SLMAP: variants seen among roughly 807,000 people sequenced by gnomAD.
The protein encoded by SLMAP is sarcolemma associated protein.
In SLMAP, 44 loss-of-function variants were observed where a neutral mutation model predicts 128.8. The ratio of observed to expected loss-of-function variants is 0.34; its 90% CI spans 0.27 to 0.44. The LOEUF is 0.44. SLMAP is among the 20% of genes least tolerant of loss of function. SLMAP has a pLI of 1.00. For synonymous variants in SLMAP, 327 were observed against 348.8 expected, an observed-to-expected ratio of 0.94 and a Z score of 0.70; for missense variants, 787 against 985.3, an observed-to-expected ratio of 0.80 and a Z score of 2.69.
chr3:57,757,541 G>A lies in SLMAP; in HGVS notation c.-111G>A, dbSNP rs1195459442. On this transcript the variant is annotated 5_prime_UTR_variant, in exon 2 of 25. Transcript: ENST00000671191. Reference sequence around the variant, plus strand: ...TATGCTTAGACAATGTGCAGTTTGTGTTAATTTAAAATTTTGGGTGGGATA... The same window carrying A: ...TATGCTTAGACAATGTGCAGTTTGTATTAATTTAAAATTTTGGGTGGGATA... 25 of 922,162 alleles carry A rather than the reference G, an allele frequency of 2.7e-5. No homozygotes were observed. The highest frequency in any genetic ancestry group is 3.7e-5 in the Non-Finnish European group (22 of 588,446). The allele number at this position is 922,162 out of a possible 1,614,324, so 57.1% of individuals were successfully genotyped here. A position where few individuals can be genotyped will look rare whatever the true frequency, so the allele number is the denominator to read the frequency against.
intron 2 of SLMAP, among the ~76,000 whole-genome samples, chr3:57,809,199 C>G (rs896899215): frequency 6.6e-6 from 1 of 152,186 alleles, no homozygotes; most frequent in African/African-American, 2.4e-5. Context: ...TGCAGCCACA[C>G]AAACTGTGGC....
intron 14 of SLMAP, among the ~76,000 whole-genome samples, chr3:57,880,156 T>G (rs2095699282): frequency 6.7e-6 from 1 of 148,264 alleles, no homozygotes; most frequent in Non-Finnish European, 1.5e-5. Flanking sequence ...TTTATGTTCC[T>G]TTTTGTATGT....
intron 2 of SLMAP, among the ~76,000 whole-genome samples, chr3:57,777,084 G>T (rs190106024): frequency 7.5e-6 from 1 of 133,000 alleles, no homozygotes; most frequent in Non-Finnish European, 1.6e-5. Context: ...AAGTACTAGC[G>T]TAAGAAATTT....
At chr3:57,846,274 A>G (rs2094246464) in intron 4 of SLMAP, among the ~76,000 whole-genome samples, 2 of 152,206 alleles carry the variant, frequency 1.3e-5, no homozygotes, top group South Asian at 4.1e-4. Context: ...TGTCAGCAGT[A>G]GTTATCAGGC....
chr3:57,868,614 G>C (rs948865170), intron 13 of SLMAP, among the ~76,000 whole-genome samples: 3 of 151,178 alleles, frequency 2.0e-5, no homozygotes, highest in African/African-American at 7.3e-5. Context: ...GTGGTCCTAG[G>C]TAGTTGGGAG....
At chr3:57,802,917 A>G (rs1344361922) in intron 2 of SLMAP, among the ~76,000 whole-genome samples, 2 of 152,224 alleles carry the variant, frequency 1.3e-5, no homozygotes, top group African/African-American at 2.4e-5. Context: ...CTTAGCCACA[A>G]AAAAAGTTTC....
In SLMAP at chr3:57,925,921, T is replaced by A; in HGVS notation, c.2522T>A (p.Leu841Ter). 1 of 1,550,668 alleles carries A rather than the reference T, an allele frequency of 6.4e-7. No individual in the cohort carries two copies. The highest frequency in any genetic ancestry group is 8.7e-7 in the Non-Finnish European group (1 of 1,146,608). ...LAFLFWCFGP[L>*]W ...TTCCTGTTTTGGTGTTTCGGTCCAT[T>A]GTGGTAGAGAAAGGTACAAGCACTA... Residue 841 changes from leucine to a stop codon, truncating the protein, a stop_gained, in exon 24 of 25, where the codon TTG becomes TAG. Transcript: ENST00000671191. LOFTEE classifies it high-confidence loss of function.
intron 2 of SLMAP, among the ~76,000 whole-genome samples, chr3:57,826,345 C>T (rs1235123001): frequency 2.0e-5 from 3 of 152,074 alleles, no homozygotes; most frequent in African/African-American, 4.8e-5. Flanking sequence ...TACTATTCTG[C>T]TCCTTATTCT....
intron 23 of SLMAP, among the ~76,000 whole-genome samples, chr3:57,924,958 T>G (rs773606864): frequency 2.2e-5 from 3 of 134,354 alleles, no homozygotes; most frequent in East Asian, 2.0e-4. Flanking sequence ...TTGTTTTTTG[T>G]TTTTTTTTTT....
chr3:57,771,302 C>T (rs561647472), intron 2 of SLMAP, among the ~76,000 whole-genome samples: 15 of 152,232 alleles, frequency 9.9e-5, no homozygotes, highest in South Asian at 4.1e-4. Flanking sequence ...CAGCTCACTA[C>T]GGCCTCAACC....
At chr3:57,789,646 A>G (rs2085004786) in intron 2 of SLMAP, among the ~76,000 whole-genome samples, 1 of 152,214 alleles carries the variant, frequency 6.6e-6, no homozygotes, top group African/African-American at 2.4e-5. Flanking sequence ...AGTTTGGCCA[A>G]GCAAAGAATC....
At chr3:57,867,530 A>G (rs2095339405) in intron 13 of SLMAP, among the ~76,000 whole-genome samples, 1 of 152,154 alleles carries the variant, frequency 6.6e-6, no homozygotes, top group South Asian at 2.1e-4. Context: ...TGGTGGTGAT[A>G]TATTGAGTTA....
Position 57,843,849 on chromosome 3 carries a change from C to T in SLMAP, c.419+2478C>T, listed in dbSNP as rs1428142763. 1.4e-4 allele frequency among the ~76,000 whole-genome samples: 16 copies of T among 116,228 alleles called. No individual in the cohort carries two copies. In the Admixed American group the frequency reaches 1.6e-3, roughly 12 times the overall value. 76.3% of individuals were successfully genotyped at this position (116,228 alleles called of 152,430 possible). On this transcript the variant is annotated intron_variant, in intron 4 of 24. Coordinates refer to ENST00000671191, the MANE Select transcript of SLMAP (RefSeq NM_001377540.1). ...AGGCTGGAGTGCGGTGGGATGATTT[C>T]GGTTCACTGCAGCCTCCACCTCCCA...
In SLMAP at chr3:57,852,894, A is replaced by G. The variant is rs139267754; in HGVS notation, c.519+3078A>G. 3.2e-3 allele frequency among the ~76,000 whole-genome samples: 484 copies of G among 152,340 alleles called. 1 individual carries two copies. Among genetic ancestry groups the G allele is most frequent in the African/African-American group, 0.011 (446 of 41,576 alleles). On this transcript the variant is annotated intron_variant, in intron 6 of 24. Coordinates refer to ENST00000671191, the MANE Select transcript of SLMAP (RefSeq NM_001377540.1). ...TAGCTCTTTGAGATAAAATTATACC[A>G]GTCTTTTCTGTATATGTTCTTATTG... is the stretch of plus-strand genomic sequence containing the variant.
intron 2 of SLMAP, among the ~76,000 whole-genome samples, chr3:57,799,189 T>C (rs1560027844): frequency 1.3e-5 from 2 of 152,206 alleles, no homozygotes; most frequent in Non-Finnish European, 2.9e-5. Flanking sequence ...GGGATACTTA[T>C]AACAGATGTT....
intron 2 of SLMAP, among the ~76,000 whole-genome samples, chr3:57,787,907 A>G (rs2084586665): frequency 6.6e-6 from 1 of 152,244 alleles, no homozygotes; most frequent in Admixed American, 6.5e-5. Flanking sequence ...TACCAATACT[A>G]GGAAATAATT....
intron 2 of SLMAP, among the ~76,000 whole-genome samples, chr3:57,806,611 T>C (rs2089931150): frequency 1.3e-5 from 2 of 151,822 alleles, no homozygotes; most frequent in African/African-American, 4.8e-5. Context: ...CCAATTTTTT[T>C]GTATTTTTAG....
chr3:57,852,802 C>CT (rs2094554929), intron 6 of SLMAP, among the ~76,000 whole-genome samples: 1 of 152,208 alleles, frequency 6.6e-6, no homozygotes. Context: ...CCCTCACTCT[C>CT]TCACTCTTTC....
At chr3:57,837,636 TG>T (rs1282346021) in intron 3 of SLMAP, among the ~76,000 whole-genome samples, 1 of 152,218 alleles carries the variant, frequency 6.6e-6, no homozygotes, top group Non-Finnish European at 1.5e-5. Flanking sequence ...CCCAAAGTAC[TG>T]GGATTACAGG....
Sources: allele counts gnomAD v4.1 joint callset (sites outside exome capture counted in the v4.1 genomes callset), GRCh38; gene constraint gnomAD v4.1.1; transcripts MANE v1.5; gene names NCBI Gene and HGNC (gene_info 2026-07-23, HGNC 2026-07-21).